Variants in NME7 observed in about 807,000 individuals in gnomAD.
NME7 encodes the protein NME/NM23 family member 7, also known as nucleoside diphosphate kinase 7.
Under a neutral mutation model 49.1 loss-of-function variants are expected in NME7, and 41 were observed. That is an observed-to-expected ratio of 0.83 (90% CI 0.65 to 1.08). The LOEUF is 1.08. Among genes scored for constraint, NME7 ranks in the 50% least tolerant of loss-of-function variants. The probability of loss-of-function intolerance (pLI) is 0.00; values close to 1 mark genes in which losing one functional copy is unlikely to be tolerated. For synonymous variants in NME7, 139 were observed against 150.6 expected, an observed-to-expected ratio of 0.92 and a Z score of 0.56; for missense variants, 423 against 463.4, an observed-to-expected ratio of 0.91 and a Z score of 0.80.
intron 1 of NME7, among the ~76,000 whole-genome samples, chr1:169,339,823 C>T (rs369360063): frequency 2.4e-4 from 37 of 152,326 alleles, no homozygotes; most frequent in African/African-American, 8.9e-4. Context: ...AAGCCAGTGG[C>T]TACAAATCAA....
intron 5 of NME7, chr1:169,302,004 G>A (rs879482761): frequency 5.3e-5 from 8 of 151,598 alleles, no homozygotes; most frequent in Non-Finnish European, 8.8e-5. Context: ...CCAAACCTCA[G>A]CATCACACAA....
intron 7 of NME7, among the ~76,000 whole-genome samples, chr1:169,257,343 A>G (rs1648992533): frequency 7.4e-6 from 1 of 134,446 alleles, no homozygotes; most frequent in Non-Finnish European, 1.8e-5. Context: ...GCTGTCCGGC[A>G]TCCCTTTCTT....
intron 11 of NME7, among the ~76,000 whole-genome samples, chr1:169,161,851 G>A (rs1659255742): frequency 6.6e-6 from 1 of 152,196 alleles, no homozygotes; most frequent in South Asian, 2.1e-4. Flanking sequence ...GTTCTATAAT[G>A]CTTTACTGCT....
intron 6 of NME7, among the ~76,000 whole-genome samples, chr1:169,287,965 CACA>C (rs34392894): frequency 0.07 from 10,590 of 152,098 alleles, 1,459 homozygotes; most frequent in East Asian, 0.66. Flanking sequence ...AAAATGACAA[CACA>C]ACAATTTGAA....
intron 10 of NME7, among the ~76,000 whole-genome samples, chr1:169,194,469 A>T (rs1660317068): frequency 6.6e-6 from 1 of 152,192 alleles, no homozygotes; most frequent in African/African-American, 2.4e-5. Flanking sequence ...CAAAATCTTC[A>T]AGTTTTAGCT....
rs570012393 is a variant in NME7, at chr1:169,260,346, C to T, written c.755-22659G>A. 3.8e-3 allele frequency among the ~76,000 whole-genome samples: 500 copies of T among 133,228 alleles called. 55 individuals are homozygous for T. The highest frequency in any genetic ancestry group is 0.012 in the African/African-American group (486 of 39,560). 87.4% of individuals were successfully genotyped at this position (133,228 alleles called of 152,430 possible). On this transcript the variant is annotated intron_variant, in intron 7 of 11. Transcript: ENST00000367811. ...CATAGACTTTTCTGAAAGATACTACCTTTTCTTTAGAAATCGTCCCTCTTT... is the reference window on the plus strand; with the variant it reads ...CATAGACTTTTCTGAAAGATACTACTTTTTCTTTAGAAATCGTCCCTCTTT...
chr1:169,160,470 A>T (rs2101833158), intron 11 of NME7, among the ~76,000 whole-genome samples: 1 of 152,272 alleles, frequency 6.6e-6, no homozygotes, highest in South Asian at 2.1e-4. Flanking sequence ...GACTCCTGGT[A>T]CTAGATGTTT....
chr1:169,171,437 G>T (rs1659585488), intron 10 of NME7, among the ~76,000 whole-genome samples: 1 of 152,148 alleles, frequency 6.6e-6, no homozygotes, highest in South Asian at 2.1e-4. Flanking sequence ...ATAAGTGTCT[G>T]CTACATGCAC....
At chr1:169,285,990 T>C (rs1263243415) in intron 7 of NME7, 1 of 152,154 alleles carries the variant, frequency 6.6e-6, no homozygotes, top group East Asian at 1.9e-4. Context: ...AATTTTAATA[T>C]CAAAACACTG....
chr1:169,304,276 T>C (rs112446275), intron 4 of NME7, among the ~76,000 whole-genome samples: 3 of 152,234 alleles, frequency 2.0e-5, no homozygotes, highest in African/African-American at 7.2e-5. Flanking sequence ...TGTAGTTTTC[T>C]TAAAGGCTTT....
intron 7 of NME7, among the ~76,000 whole-genome samples, chr1:169,277,616 C>G (rs1394498891): frequency 1.1e-5 from 1 of 87,206 alleles, no homozygotes; most frequent in Admixed American, 1.4e-4. Context: ...ATACAGCACA[C>G]TGATGGGTCT....
At chr1:169,224,182 C>A (rs1661232360) in intron 10 of NME7, among the ~76,000 whole-genome samples, 2 of 152,320 alleles carry the variant, frequency 1.3e-5, no homozygotes, top group African/African-American at 4.8e-5. Flanking sequence ...GGCCAGATCT[C>A]CCTTCTGTAT....
At chr1:169,138,941 T>C (rs940419578) in intron 11 of NME7, among the ~76,000 whole-genome samples, 1 of 152,208 alleles carries the variant, frequency 6.6e-6, no homozygotes, top group Admixed American at 6.5e-5. Context: ...AAATTCATCA[T>C]AAAATTGTGT....
intron 1 of NME7, among the ~76,000 whole-genome samples, chr1:169,340,092 T>G (rs1449233820): frequency 1.3e-5 from 2 of 152,164 alleles, no homozygotes; most frequent in African/African-American, 4.8e-5. Context: ...TTCAGTAAAC[T>G]CTTCAGTTAT....
At chr1:169,361,617 T>G (rs982546249) in intron 1 of NME7, among the ~76,000 whole-genome samples, 4 of 151,986 alleles carry the variant, frequency 2.6e-5, no homozygotes, top group Non-Finnish European at 4.4e-5. Context: ...CCGTCTCTAC[T>G]AAAAATACAA....
Position 169,287,420 on chromosome 1 carries a change from G to C in NME7, c.649-12C>G, listed in dbSNP as rs1553253383. On this transcript the variant is annotated splice_polypyrimidine_tract_variant and intron_variant, in intron 6 of 11. Coordinates refer to ENST00000367811, the MANE Select transcript of NME7 (RefSeq NM_013330.5). ...AACAACTCCATTTCCTAAAGACAGA[G>C]AGAAATGATTTTGACAAATGTGATC... 6 of 1,562,602 alleles carry C rather than the reference G, an allele frequency of 3.8e-6. No homozygotes were observed. In the Admixed American group the frequency reaches 7.6e-5, roughly 20 times the overall value.
At chr1:169,231,990 T>G (rs552245148) in intron 9 of NME7, among the ~76,000 whole-genome samples, 1 of 152,040 alleles carries the variant, frequency 6.6e-6, no homozygotes, top group Admixed American at 6.5e-5. Flanking sequence ...ATACTAACCA[T>G]TACCAGAAGA....
intron 9 of NME7, among the ~76,000 whole-genome samples, chr1:169,233,171 T>C (rs1263444667): frequency 6.6e-6 from 1 of 152,056 alleles, no homozygotes; most frequent in Non-Finnish European, 1.5e-5. Context: ...AGATGTAAAA[T>C]GTATGAGAAC....
chr1:169,165,380 T>C (rs2101838907), intron 11 of NME7, among the ~76,000 whole-genome samples: 1 of 152,310 alleles, frequency 6.6e-6, no homozygotes, highest in Admixed American at 6.5e-5. Flanking sequence ...CTGAGCTCTA[T>C]ACCCATGACA....
Sources: allele counts gnomAD v4.1 joint callset (sites outside exome capture counted in the v4.1 genomes callset), GRCh38; gene constraint gnomAD v4.1.1; transcripts MANE v1.5; gene names NCBI Gene and HGNC (gene_info 2026-07-23, HGNC 2026-07-21).